MYOCD: variants seen among roughly 807,000 people sequenced by gnomAD.
MYOCD encodes myocardin.
In MYOCD, 32 loss-of-function variants were observed where a neutral mutation model predicts 96.1. The observed-to-expected ratio is 0.33, with a 90% CI of 0.25 to 0.45. MYOCD has a LOEUF of 0.45. MYOCD is among the 20% of genes least tolerant of loss of function. MYOCD has a pLI of 1.00. For missense variants in MYOCD, 1,133 were observed against 1,200.6 expected, an observed-to-expected ratio of 0.94 and a Z score of 0.83; for synonymous variants, 469 against 469.0, an observed-to-expected ratio of 1.00 and a Z score of 0.00.
intron 3 of MYOCD, 28 bp downstream of exon 3, chr17:12,715,602 G>A (rs753839452): frequency 5.7e-6 from 9 of 1,575,266 alleles, no homozygotes. Flanking sequence ...CTTGACCCAA[G>A]CTTAGACTAT....
At position 12,722,920 on chromosome 17, in the gene MYOCD, T is replaced by C. The variant is rs752225953; in HGVS notation, c.327T>C (p.Asn109=). 8 of 1,613,844 alleles carry C rather than the reference T, an allele frequency of 5.0e-6. No homozygotes were observed. Among genetic ancestry groups the C allele is most frequent in the Non-Finnish European group, 6.8e-6 (8 of 1,179,936 alleles). Residue 109 remains asparagine, a synonymous_variant, in exon 5 of 14, where the codon AAT becomes AAC. Transcript: ENST00000425538. ...GAGCCCGACTCGCCGATGATCTCAA[T>C]GAAAAAATTGCTCTACGACCAGGGC... The part of the protein sequence containing the change: ...LKRARLADDL[N]EKIALRPGPL...
At chr17:12,737,643 C>T (rs546780178) in intron 6 of MYOCD, among the ~76,000 whole-genome samples, 33 of 152,328 alleles carry the variant, frequency 2.2e-4, no homozygotes, top group African/African-American at 7.5e-4. Flanking sequence ...CAGCCCCTTC[C>T]CTTTACCACT....
intron 12 of MYOCD, 118 bp downstream of exon 12, chr17:12,758,331 T>C (rs2033072129): frequency 6.8e-7 from 1 of 1,464,352 alleles, no homozygotes; most frequent in East Asian, 2.3e-5. Context: ...TCATGTGCCA[T>C]ACCACCAAAA....
chr17:12,719,174 C>CAAAAAAAAAAAAAAAAAAAAAAAAAA (rs71144920), intron 4 of MYOCD, among the ~76,000 whole-genome samples: 4 of 49,160 alleles, frequency 8.1e-5, no homozygotes, highest in Non-Finnish European at 1.3e-4. Context: ...GACTCTGTCT[C>CAAAAAAAAAAAAAAAAAAAAAAAAAA]AAAAAAAAAA....
chr17:12,674,644 T>A (rs993593824), intron 1 of MYOCD, among the ~76,000 whole-genome samples: 31 of 152,242 alleles, frequency 2.0e-4, no homozygotes, highest in African/African-American at 7.2e-4. Context: ...CATACACATA[T>A]ATACACTTAT....
chr17:12,687,861 A>G (rs959693823), intron 1 of MYOCD, among the ~76,000 whole-genome samples: 1 of 152,236 alleles, frequency 6.6e-6, no homozygotes, highest in South Asian at 2.1e-4. Flanking sequence ...TCACATTTGA[A>G]TAATACGATG....
chr17:12,755,585 A>T (rs1020997556), intron 10 of MYOCD, among the ~76,000 whole-genome samples: 1 of 152,208 alleles, frequency 6.6e-6, no homozygotes, highest in African/African-American at 2.4e-5. Context: ...TACTAAAAAT[A>T]CAAAAATTAG....
intron 2 of MYOCD, among the ~76,000 whole-genome samples, chr17:12,712,521 G>A (rs892408686): frequency 3.3e-5 from 5 of 152,172 alleles, no homozygotes; most frequent in African/African-American, 7.2e-5. Flanking sequence ...CTGGAGGCAC[G>A]AGGTTACAGT....
chr17:12,705,235 A>G (rs376696449), intron 2 of MYOCD, 42 bp downstream of exon 2: 2 of 1,455,526 alleles, frequency 1.4e-6, no homozygotes, highest in African/African-American at 2.8e-5. Flanking sequence ...ACATAGGGCC[A>G]CACCATTTGG....
intron 2 of MYOCD, among the ~76,000 whole-genome samples, chr17:12,709,119 A>C (rs2030886628): frequency 6.6e-6 from 1 of 152,152 alleles, no homozygotes; most frequent in African/African-American, 2.4e-5. Context: ...TTGCATTCCA[A>C]ATTGATAATT....
At chr17:12,761,032 C>A in intron 13 of MYOCD, 1 of 221,294 alleles carries the variant, frequency 4.5e-6, no homozygotes, top group Non-Finnish European at 9.0e-6. Flanking sequence ...ATGCCCCTAC[C>A]TTCTCAATTA....
chr17:12,704,354 A>T (rs1459155154), intron 1 of MYOCD, among the ~76,000 whole-genome samples: 4 of 152,222 alleles, frequency 2.6e-5, no homozygotes, highest in Non-Finnish European at 1.5e-5. Flanking sequence ...CTCAGAAGTT[A>T]ATAATTCAAT....
chr17:12,736,121 C>T lies in MYOCD; in HGVS notation c.416-40C>T, dbSNP rs184463101. 45 of 1,595,760 alleles carry T rather than the reference C, an allele frequency of 2.8e-5. 1 individual carries two copies. The East Asian group carries it at 9.2e-4, about 33-fold the overall frequency. On this transcript the variant is annotated intron_variant, in intron 5 of 13. Coordinates refer to ENST00000425538, the MANE Select transcript of MYOCD (RefSeq NM_001146312.3). ...ATTTCCAAAAATGCCCTTTGATGCT[C>T]CTAAGCCACTGACCAAGTTCCTGGA...
intron 5 of MYOCD, among the ~76,000 whole-genome samples, chr17:12,734,048 G>A (rs2032263394): frequency 6.6e-6 from 1 of 151,938 alleles, no homozygotes; most frequent in Admixed American, 6.6e-5. Flanking sequence ...TAGGGTTTTG[G>A]GGTCATAAGA....
intron 4 of MYOCD, among the ~76,000 whole-genome samples, chr17:12,721,276 T>C (rs992968395): frequency 4.6e-5 from 7 of 152,170 alleles, no homozygotes; most frequent in Non-Finnish European, 7.3e-5. Context: ...GGTCCTCTTT[T>C]GTCAACAGAA....
intron 1 of MYOCD, among the ~76,000 whole-genome samples, chr17:12,678,789 G>A (rs549260833): frequency 6.4e-4 from 97 of 152,138 alleles, no homozygotes; most frequent in Admixed American, 2.2e-3. Flanking sequence ...TCCACCTTCC[G>A]AGTTCATGGC....
At chr17:12,699,110 TCTC>T (rs2030932821) in intron 1 of MYOCD, among the ~76,000 whole-genome samples, 3 of 151,136 alleles carry the variant, frequency 2.0e-5, no homozygotes, top group Admixed American at 2.0e-4. Context: ...TTGTCTTCTC[TCTC>T]CTCTCCTCTG....
intron 1 of MYOCD, among the ~76,000 whole-genome samples, chr17:12,699,237 G>A (rs994959243): frequency 6.6e-6 from 1 of 152,078 alleles, no homozygotes; most frequent in Non-Finnish European, 1.5e-5. Context: ...TGATTCTCAT[G>A]CCTCAGCCTC....
intron 1 of MYOCD, among the ~76,000 whole-genome samples, chr17:12,674,258 C>T (rs1239225921): frequency 1.3e-5 from 2 of 152,114 alleles, no homozygotes; most frequent in Non-Finnish European, 2.9e-5. Context: ...CCTGCCCCAC[C>T]GCATAACCAT....
Sources: gnomAD v4.1 joint callset for allele counts (sites outside exome capture counted in the v4.1 genomes callset) on GRCh38, gnomAD v4.1.1 for gene constraint, MANE v1.5 for transcripts, NCBI Gene and HGNC (gene_info 2026-07-23, HGNC 2026-07-21) for gene names.